GALNT18: variants seen among roughly 807,000 people sequenced by gnomAD.
GALNT18 encodes GalNAc-transferase 18.
In GALNT18, 44 loss-of-function variants were observed where a neutral mutation model predicts 69.5. The observed-to-expected ratio is 0.63, with a 90% CI of 0.50 to 0.81. The LOEUF (loss-of-function observed/expected upper bound fraction) is 0.81. Among genes scored for constraint, GALNT18 ranks in the 40% least tolerant of loss-of-function variants. The pLI, the probability that GALNT18 is intolerant of heterozygous loss-of-function variation, is 0.00. For synonymous variants in GALNT18, 364 were observed against 318.2 expected (o/e 1.14, Z -1.53); for missense variants, 715 against 810.0 (o/e 0.88, Z 1.42).
At position 11,338,641 on chromosome 11, in the gene GALNT18, A is replaced by G. The variant is rs1403016670; in HGVS notation, c.1278+2178T>C. Among the ~76,000 whole-genome samples the G allele has an allele frequency of 6.6e-6, 1 of 152,218 alleles. No individual in the cohort carries two copies. The highest frequency in any genetic ancestry group is 1.5e-5 in the Non-Finnish European group (1 of 68,042). Reference sequence around the variant, plus strand: ...ATTCTGAGTGCCTGTGGGAATGGCCAAGAGGAGATGTCCAGCTGGCAGTTG... The same window carrying G: ...ATTCTGAGTGCCTGTGGGAATGGCCGAGAGGAGATGTCCAGCTGGCAGTTG... On this transcript the variant is annotated intron_variant, in intron 7 of 10. Transcript: ENST00000227756. The surrounding 1 kb of genome is among the most constrained non-coding windows in gnomAD (Gnocchi z 5.3).
intron 3 of GALNT18, among the ~76,000 whole-genome samples, chr11:11,417,432 A>G (rs996244452): frequency 1.3e-5 from 2 of 152,182 alleles, no homozygotes; most frequent in African/African-American, 4.8e-5. Flanking sequence ...GCATTTCAAG[A>G]GAAGCTTCTG....
rs888340618 is a variant in GALNT18 at position 11,424,931 on chromosome 11, G to C, written c.595+7690C>G. ...TGCCCACAGATAGTGCAGACAAGCA[G>C]GAAGAAGTGCATGCTGGACAAAGCG... On this transcript the variant is annotated intron_variant, in intron 3 of 10. Coordinates refer to ENST00000227756, the MANE Select transcript of GALNT18 (RefSeq NM_198516.3). Among the ~76,000 whole-genome samples the C allele has an allele frequency of 7.4e-4, 112 of 152,238 alleles. 1 individual carries two copies. The highest frequency in any genetic ancestry group is 2.7e-3 in the African/African-American group (111 of 41,546).
intron 3 of GALNT18, among the ~76,000 whole-genome samples, chr11:11,412,736 GAT>G (rs1418091445): frequency 1.3e-5 from 2 of 152,222 alleles, no homozygotes; most frequent in Non-Finnish European, 2.9e-5. Flanking sequence ...ATGCCCAACT[GAT>G]ATCCTTGGAG....
At position 11,432,764 on chromosome 11, in the gene GALNT18, T is replaced by A. The variant is rs532233847; in HGVS notation, c.452A>T (p.Asp151Val). 10 of 1,613,870 alleles carry A rather than the reference T, an allele frequency of 6.2e-6. No individual in the cohort carries two copies. In the African/African-American group the frequency reaches 1.2e-4, roughly 19 times the overall value. ...PSGCRNLSFP[D>V]SLPEVSIVFI... Reference sequence around the variant, plus strand: ...CACGATGCTCACCTCTGGCAGGCTGTCAGGAAATGAGAGGTTACGGCACCT... The same window carrying A: ...CACGATGCTCACCTCTGGCAGGCTGACAGGAAATGAGAGGTTACGGCACCT... The change falls in exon 3 of 11, where the codon GAC becomes GTC. Residue 151 changes from aspartate (D) to valine (V), a missense_variant. Asp to Val is a radical substitution (Grantham distance 152, BLOSUM62 -3). Coordinates refer to ENST00000227756, the MANE Select transcript of GALNT18 (RefSeq NM_198516.3). The surrounding 1 kb of genome is among the most constrained non-coding windows in gnomAD (Gnocchi z 5.8).
intron 9 of GALNT18, among the ~76,000 whole-genome samples, chr11:11,302,670 T>G (rs1849517851): frequency 6.6e-6 from 1 of 152,182 alleles, no homozygotes; most frequent in Non-Finnish European, 1.5e-5. Context: ...GTTGAAGAAT[T>G]GGGCTTGGCT....
intron 1 of GALNT18, among the ~76,000 whole-genome samples, chr11:11,539,692 A>G (rs1590083344): frequency 1.3e-5 from 2 of 152,200 alleles, no homozygotes; most frequent in African/African-American, 4.8e-5. Context: ...CTGCAAGCTA[A>G]TGGGTCCATC....
intron 6 of GALNT18, among the ~76,000 whole-genome samples, chr11:11,365,280 G>T (rs539728424): frequency 1.3e-5 from 2 of 152,124 alleles, no homozygotes; most frequent in Non-Finnish European, 2.9e-5. Flanking sequence ...GTTTGCTGAG[G>T]ATGATGGCTT....
At chr11:11,554,943 G>A (rs1342503773) in intron 1 of GALNT18, among the ~76,000 whole-genome samples, 1 of 152,156 alleles carries the variant, frequency 6.6e-6, no homozygotes, top group African/African-American at 2.4e-5. Context: ...CAACAGGGCT[G>A]GTCCTGCGCA....
At chr11:11,305,038 C>A (rs1280748020) in intron 9 of GALNT18, among the ~76,000 whole-genome samples, 1 of 152,180 alleles carries the variant, frequency 6.6e-6, no homozygotes, top group Non-Finnish European at 1.5e-5. Flanking sequence ...TACTGCCAAG[C>A]CTTAAAATAT....
At chr11:11,376,208 C>T (rs1273530713) in intron 5 of GALNT18, among the ~76,000 whole-genome samples, 1 of 152,096 alleles carries the variant, frequency 6.6e-6, no homozygotes, top group African/African-American at 2.4e-5. Context: ...TGATGAAACC[C>T]TGTCCCTAGT....
intron 10 of GALNT18, among the ~76,000 whole-genome samples, chr11:11,285,395 T>A (rs950328013): frequency 6.6e-6 from 1 of 152,192 alleles, no homozygotes; most frequent in African/African-American, 2.4e-5. Context: ...AACAGAGTAG[T>A]GCAGGGCACA....
In GALNT18 at chr11:11,432,931, G is replaced by T; in HGVS notation, c.429-144C>A. On this transcript the variant is annotated intron_variant, in intron 2 of 10. Coordinates refer to ENST00000227756, the MANE Select transcript of GALNT18 (RefSeq NM_198516.3). This position sits in a 1 kb window ranked among gnomAD's most constrained non-coding sequence, Gnocchi z 5.8. ...AGGGCCCCTTCTTTGATGCACTTAA[G>T]ATGAGCCCTAAATGTCCAGCAGAAA... 1.4e-6 allele frequency: 1 copy of T among 705,648 alleles called. No homozygotes were observed. The highest frequency in any genetic ancestry group is 2.3e-6 in the Non-Finnish European group (1 of 431,254). The allele number at this position is 705,648 out of a possible 1,614,324, so 43.7% of individuals were successfully genotyped here.
At position 11,466,895 on chromosome 11, in the gene GALNT18, C is replaced by T. The variant is rs996467460; in HGVS notation, c.236-17959G>A. ...TTCCAAAAGGCCTGGCAATAGGACA[C>T]ACGCAGATCAATGAAAGGACCCATT... On this transcript the variant is annotated intron_variant, in intron 1 of 10. Transcript: ENST00000227756. Among the ~76,000 whole-genome samples, 6 of 152,152 alleles carry T rather than the reference C, an allele frequency of 3.9e-5. 1 individual carries two copies. In the South Asian group the frequency reaches 8.3e-4, roughly 21 times the overall value.
At position 11,413,040 on chromosome 11, in the gene GALNT18, C is replaced by G. The variant is rs1854766995; in HGVS notation, c.595+19581G>C. Among the ~76,000 whole-genome samples, 1 of 152,202 alleles carries G rather than the reference C, an allele frequency of 6.6e-6. No homozygotes were observed. Among genetic ancestry groups the G allele is most frequent in the African/African-American group, 2.4e-5 (1 of 41,438 alleles). On this transcript the variant is annotated intron_variant, in intron 3 of 10. Transcript: ENST00000227756. The surrounding 1 kb of genome is among the most constrained non-coding windows in gnomAD (Gnocchi z 4.7). The stretch of plus-strand genomic sequence containing the variant: ...CAGAGTATCCCAAAAGGATTAAGAT[C>G]TTCCCACAGTGGTGCCTGGCAGCTC...
At chr11:11,283,876 A>G (rs1195764436) in intron 10 of GALNT18, among the ~76,000 whole-genome samples, 1 of 152,182 alleles carries the variant, frequency 6.6e-6, no homozygotes, top group Non-Finnish European at 1.5e-5. Context: ...AAAAGAAAAA[A>G]ATCAAATTTG....
intron 1 of GALNT18, among the ~76,000 whole-genome samples, chr11:11,556,505 A>G (rs1180058785): frequency 6.6e-6 from 1 of 152,242 alleles, no homozygotes; most frequent in Non-Finnish European, 1.5e-5. Flanking sequence ...AGTGCCCTTG[A>G]GTAAAAGTAG....
rs1484447583 is a variant in GALNT18, at chr11:11,332,144, AC to A, written c.1416+549del. Among the ~76,000 whole-genome samples the A allele has an allele frequency of 6.6e-6, 1 of 152,024 alleles. No individual in the cohort carries two copies. The highest frequency in any genetic ancestry group is 6.5e-5 in the Admixed American group (1 of 15,272). On this transcript the variant is annotated intron_variant, in intron 8 of 10. Transcript: ENST00000227756. This position sits in a 1 kb window ranked among gnomAD's most constrained non-coding sequence, Gnocchi z 4.3. The stretch of plus-strand genomic sequence containing the variant: ...TTGAACCAGGTCTGTCTAACTCCAA[AC>A]CCTATGCTCTGCCCCCTCCATCTTT...
chr11:11,290,501 AG>A (rs1344329117), intron 10 of GALNT18, among the ~76,000 whole-genome samples: 1 of 152,086 alleles, frequency 6.6e-6, no homozygotes, highest in Non-Finnish European at 1.5e-5. Flanking sequence ...CAGACTCTTC[AG>A]CCGCTCCCCA....
At chr11:11,473,544 T>C (rs953660817) in intron 1 of GALNT18, among the ~76,000 whole-genome samples, 1 of 152,074 alleles carries the variant, frequency 6.6e-6, no homozygotes, top group Non-Finnish European at 1.5e-5. Context: ...GATGGCAGAG[T>C]GTGCAGACGG....
Sources: gnomAD v4.1 joint callset for allele counts (sites outside exome capture counted in the v4.1 genomes callset) on GRCh38, gnomAD v4.1.1 for gene constraint, Gnocchi (gnomAD v3.1) non-coding constraint, MANE v1.5 for transcripts, NCBI Gene and HGNC (gene_info 2026-07-23, HGNC 2026-07-21) for gene names.